The following SOX6 variants were observed in gnomAD, a reference collection of about 807,000 sequenced individuals.
SOX6 encodes SRY-box transcription factor 6.
Under a neutral mutation model 97.8 loss-of-function variants are expected in SOX6, and 11 were observed. The observed-to-expected ratio is 0.11, with a 90% CI of 0.07 to 0.19. The LOEUF (loss-of-function observed/expected upper bound fraction) is 0.19, where lower values mean the gene tolerates loss of function less well. Among genes scored for constraint, SOX6 ranks in the 10% least tolerant of loss-of-function variants. SOX6 has a pLI of 1.00. For synonymous variants in SOX6, 360 were observed against 371.4 expected, an observed-to-expected ratio of 0.97 and a Z score of 0.35; for missense variants, 810 against 1,039.5, an observed-to-expected ratio of 0.78 and a Z score of 3.04.
chr11:16,598,027 T>C (rs887391186), intron 4 of SOX6, among the ~76,000 whole-genome samples: 8 of 152,042 alleles, frequency 5.3e-5, no homozygotes, highest in South Asian at 4.1e-4. Flanking sequence ...AGCAATTATG[T>C]AGTAAAGCTG....
intron 2 of SOX6, among the ~76,000 whole-genome samples, chr11:16,722,202 GA>G (rs906217391): frequency 4.7e-4 from 71 of 151,524 alleles, no homozygotes; most frequent in African/African-American, 1.7e-3. Flanking sequence ...TCTACACAGC[GA>G]AAAAAAACTA....
At chr11:16,439,806 C>T (rs748874279) in intron 1 of SOX6, among the ~76,000 whole-genome samples, 47 of 152,170 alleles carry the variant, frequency 3.1e-4, no homozygotes, top group Non-Finnish European at 5.4e-4. Context: ...CCCAATAATT[C>T]CTACACTATG....
intron 1 of SOX6, among the ~76,000 whole-genome samples, chr11:16,353,737 G>A (rs1454695569): frequency 6.6e-6 from 1 of 152,010 alleles, no homozygotes; most frequent in Non-Finnish European, 1.5e-5. Context: ...ACTACCTGCT[G>A]TCTTGCATAC....
At chr11:16,709,058 T>C (rs1047741979) in intron 3 of SOX6, among the ~76,000 whole-genome samples, 7 of 152,210 alleles carry the variant, frequency 4.6e-5, no homozygotes, top group African/African-American at 1.4e-4. Context: ...ACTCTAAAAG[T>C]AGCTGATACA....
chr11:16,158,309 G>T (rs1383890394), intron 6 of SOX6, among the ~76,000 whole-genome samples: 2 of 151,782 alleles, frequency 1.3e-5, no homozygotes, highest in Non-Finnish European at 2.9e-5. Context: ...CATACTCCTT[G>T]GTGTATATAT....
chr11:16,478,189 G>A (rs551471803), upstream of SOX6, among the ~76,000 whole-genome samples: 27 of 152,276 alleles, frequency 1.8e-4, no homozygotes, highest in African/African-American at 5.5e-4. Context: ...AGAAGAATCC[G>A]AAAGAGTTTT....
chr11:16,132,447 AG>A (rs1414631076), intron 6 of SOX6, among the ~76,000 whole-genome samples: 1 of 94,790 alleles, frequency 1.1e-5, no homozygotes, highest in African/African-American at 4.5e-5. Flanking sequence ...GAAAGAAAAA[AG>A]AAAGAAAGAA....
At chr11:16,256,542 G>A (rs186342727) in intron 3 of SOX6, among the ~76,000 whole-genome samples, 23 of 151,982 alleles carry the variant, frequency 1.5e-4, no homozygotes, top group African/African-American at 5.3e-4. Flanking sequence ...GCTAGAAATA[G>A]AGGGAATGTC....
Position 16,429,187 on chromosome 11 carries a change from G to A in SOX6, c.-5+47128C>T, listed in dbSNP as rs188453671. ...AAGTCAAAAAATTACAGATATTGGC[G>A]AAGTTGTGGAGAAAACGGAATGCTT... On this transcript the variant is annotated intron_variant, in intron 1 of 15. Coordinates refer to the SOX6 transcript ENST00000396356. Among the ~76,000 whole-genome samples the A allele has an allele frequency of 7.9e-5, 12 of 152,252 alleles. 1 individual carries two copies. The highest frequency in any genetic ancestry group is 2.4e-4 in the African/African-American group (10 of 41,544).
chr11:16,240,148 G>A (rs753386291), intron 3 of SOX6, among the ~76,000 whole-genome samples: 10 of 151,868 alleles, frequency 6.6e-5, no homozygotes, highest in African/African-American at 9.7e-5. Flanking sequence ...ATGCATGATC[G>A]GTGTGAAAAA....
intron 2 of SOX6, among the ~76,000 whole-genome samples, chr11:16,726,185 G>A (rs1302312263): frequency 6.8e-6 from 1 of 146,208 alleles, no homozygotes; most frequent in African/African-American, 2.4e-5. Context: ...AAGGCGGGAG[G>A]ATTACTTGAG....
chr11:16,347,055 T>C (rs1856792948), intron 1 of SOX6, among the ~76,000 whole-genome samples: 1 of 152,104 alleles, frequency 6.6e-6, no homozygotes, highest in African/African-American at 2.4e-5. Context: ...GGACTAGAGC[T>C]CATATGTCTT....
chr11:16,224,767 A>G (rs1852634972), intron 4 of SOX6, among the ~76,000 whole-genome samples: 1 of 152,082 alleles, frequency 6.6e-6, no homozygotes, highest in African/African-American at 2.4e-5. Context: ...ATTACTCACT[A>G]TTGATAACAA....
intron 4 of SOX6, among the ~76,000 whole-genome samples, chr11:16,520,440 C>T (rs529016819): frequency 6.6e-5 from 10 of 152,146 alleles, no homozygotes; most frequent in African/African-American, 2.4e-4. Flanking sequence ...GTTTATTAAC[C>T]GTGTCTTCCA....
chr11:16,103,150 A>C (rs1382804763), intron 7 of SOX6, among the ~76,000 whole-genome samples: 3 of 152,070 alleles, frequency 2.0e-5, no homozygotes, highest in African/African-American at 7.2e-5. Flanking sequence ...TAATATCCAG[A>C]ATCTACAAAG....
chr11:16,026,317 C>G (rs1454963541), intron 12 of SOX6, among the ~76,000 whole-genome samples: 4 of 152,020 alleles, frequency 2.6e-5, no homozygotes, highest in Admixed American at 6.6e-5. Flanking sequence ...TTCAAACAAG[C>G]CTACCAAAGC....
intron 3 of SOX6, among the ~76,000 whole-genome samples, chr11:16,683,567 C>T (rs1482524302): frequency 1.3e-5 from 2 of 152,092 alleles, no homozygotes; most frequent in African/African-American, 4.8e-5. Context: ...TTCCTTGCAC[C>T]TTATACAAAA....
Position 16,318,606 on chromosome 11 carries a change from G to C in SOX6, c.285C>G (p.Thr95=), listed in dbSNP as rs1422836477. ...KLCSLYSFRN[T]STSPHKPDEG... ...CGTCAGGCTTATGTGGTGAGGTAGAGGTATTTCGGAAGGAATATAGGGAAC... is the reference window on the plus strand; with the variant it reads ...CGTCAGGCTTATGTGGTGAGGTAGACGTATTTCGGAAGGAATATAGGGAAC... Residue 95 remains threonine (T), a synonymous_variant, in exon 3 of 16, where the codon ACC becomes ACG. Transcript: ENST00000683767. 1.2e-6 allele frequency: 2 copies of C among 1,613,192 alleles called. No homozygotes were observed. Among genetic ancestry groups the C allele is most frequent in the East Asian group, 4.5e-5 (2 of 44,860 alleles).
intron 4 of SOX6, among the ~76,000 whole-genome samples, chr11:16,606,930 T>C (rs1389818697): frequency 6.6e-6 from 1 of 152,136 alleles, no homozygotes; most frequent in East Asian, 1.9e-4. Flanking sequence ...GATCAGCGCG[T>C]CCACCAGCGA....
Sources: gnomAD v4.1 joint callset for allele counts (sites outside exome capture counted in the v4.1 genomes callset) on GRCh38, gnomAD v4.1.1 for gene constraint, MANE v1.5 for transcripts, NCBI Gene and HGNC (gene_info 2026-07-23, HGNC 2026-07-21) for gene names.